The following ASPH variants were observed in gnomAD, a reference collection of about 807,000 sequenced individuals.
ASPH encodes the protein aspartate beta-hydroxylase, also known as aspartyl/asparaginyl beta-hydroxylase.
A neutral mutation model predicts 118.4 loss-of-function variants in ASPH; 100 were observed. That is an observed-to-expected ratio of 0.84 (90% CI 0.72 to 1.00). The LOEUF is 1.00. Among genes scored for constraint, ASPH ranks in the 50% least tolerant of loss-of-function variants. The pLI is 0.00. For synonymous variants in ASPH, 315 were observed against 325.6 expected (o/e 0.97, Z 0.35); for missense variants, 920 against 919.5 (o/e 1.00, Z -0.01).
At chr8:61,689,833 G>A in intron 1 of ASPH, 1 of 1,410,092 alleles carries the variant, frequency 7.1e-7, no homozygotes, top group South Asian at 1.7e-5. Flanking sequence ...GCACTGTAAG[G>A]GCCTCTAGAA....
At chr8:61,615,487 G>A (rs564128977) in intron 14 of ASPH, among the ~76,000 whole-genome samples, 1 of 152,134 alleles carries the variant, frequency 6.6e-6, no homozygotes, top group South Asian at 2.1e-4. Flanking sequence ...CAAGTACAAT[G>A]AGAGCTGCAA....
chr8:61,685,157 ATTTC>A (rs1283867713), intron 1 of ASPH, among the ~76,000 whole-genome samples: 2 of 151,966 alleles, frequency 1.3e-5, no homozygotes, highest in African/African-American at 4.8e-5. Context: ...TACAGAGGGC[ATTTC>A]TGGATGTTTA....
At chr8:61,509,036 C>T (rs1233276201) in intron 24 of ASPH, among the ~76,000 whole-genome samples, 1 of 152,174 alleles carries the variant, frequency 6.6e-6, no homozygotes, top group African/African-American at 2.4e-5. Flanking sequence ...TTCTAACACA[C>T]ACAAACAACT....
chr8:61,509,337 T>C (rs916803940), intron 24 of ASPH, among the ~76,000 whole-genome samples: 3 of 152,344 alleles, frequency 2.0e-5, no homozygotes, highest in South Asian at 2.1e-4. Context: ...CCCATTTCTA[T>C]GGTTATTTCT....
chr8:61,579,432 G>A (rs1417408715), intron 15 of ASPH: 37 of 1,611,608 alleles, frequency 2.3e-5, no homozygotes, highest in Non-Finnish European at 3.0e-5. Flanking sequence ...GCTGAAGTCT[G>A]GGATGCAGAA....
At chr8:61,531,555 T>C (rs1337344218) in intron 21 of ASPH, among the ~76,000 whole-genome samples, 1 of 152,054 alleles carries the variant, frequency 6.6e-6, no homozygotes, top group African/African-American at 2.4e-5. Context: ...TCTAGTGTGA[T>C]ACTATTTTTA....
At chr8:61,663,170 T>A (rs1269190984) in intron 3 of ASPH, 1 of 985,314 alleles carries the variant, frequency 1.0e-6, no homozygotes, top group Non-Finnish European at 1.2e-6. Context: ...GGGGACATGT[T>A]CTGCTTCTTC....
At chr8:61,714,181 G>C in intron 1 of ASPH, 88 bp downstream of exon 1, 2 of 1,343,964 alleles carry the variant, frequency 1.5e-6, no homozygotes, top group Non-Finnish European at 1.9e-6. Context: ...GGTGGGACCT[G>C]GGGAGATGCA....
intron 14 of ASPH, among the ~76,000 whole-genome samples, chr8:61,591,497 T>C (rs1304193587): frequency 6.6e-6 from 1 of 151,936 alleles, no homozygotes; most frequent in East Asian, 1.9e-4. Flanking sequence ...GGTTTTTCAG[T>C]ATATTGAGCA....
intron 21 of ASPH, among the ~76,000 whole-genome samples, chr8:61,535,409 T>C (rs2129760630): frequency 6.6e-6 from 1 of 152,314 alleles, no homozygotes; most frequent in East Asian, 1.9e-4. Flanking sequence ...TAGGGTTCAG[T>C]GTAACATAAG....
At chr8:61,617,442 C>T (rs901435052) in intron 14 of ASPH, among the ~76,000 whole-genome samples, 14 of 152,128 alleles carry the variant, frequency 9.2e-5, no homozygotes, top group Admixed American at 2.0e-4. Flanking sequence ...TAGCAGGTAT[C>T]GCTATCTTAT....
At chr8:61,707,765 T>A (rs1305523775) in intron 1 of ASPH, among the ~76,000 whole-genome samples, 6 of 152,162 alleles carry the variant, frequency 3.9e-5, no homozygotes, top group Non-Finnish European at 7.3e-5. Flanking sequence ...AACTGGAGTT[T>A]GGAGGAATTT....
intron 14 of ASPH, among the ~76,000 whole-genome samples, chr8:61,611,297 C>A (rs978019665): frequency 6.6e-6 from 1 of 152,212 alleles, no homozygotes; most frequent in Non-Finnish European, 1.5e-5. Flanking sequence ...AATGCAGGAG[C>A]TCGTTTCCTC....
intron 14 of ASPH, among the ~76,000 whole-genome samples, chr8:61,603,652 C>T (rs1844763853): frequency 6.6e-6 from 1 of 152,184 alleles, no homozygotes; most frequent in Admixed American, 6.5e-5. Context: ...TATTGAGTGC[C>T]TCACAGGTAT....
chr8:61,677,106 C>T (rs1825784472), intron 3 of ASPH, among the ~76,000 whole-genome samples: 1 of 152,112 alleles, frequency 6.6e-6, no homozygotes. Flanking sequence ...CTTAGCTGGT[C>T]ACTTGCAATA....
intron 15 of ASPH, chr8:61,583,261 T>C (rs1838159060): frequency 6.6e-6 from 1 of 151,868 alleles, no homozygotes; most frequent in South Asian, 2.1e-4. Flanking sequence ...TTATTATTAT[T>C]ATTATTATTA....
At chr8:61,586,070 A>T (rs901405269) in intron 14 of ASPH, among the ~76,000 whole-genome samples, 3 of 152,122 alleles carry the variant, frequency 2.0e-5, no homozygotes, top group Non-Finnish European at 4.4e-5. Context: ...CTTTTGCAAC[A>T]TTTGACACAG....
At chr8:61,710,312 T>C (rs757579592) in intron 1 of ASPH, among the ~76,000 whole-genome samples, 56 of 152,218 alleles carry the variant, frequency 3.7e-4, no homozygotes, top group Non-Finnish European at 6.8e-4. Flanking sequence ...AGGGTTTTTC[T>C]ATTGGAACCA....
At chr8:61,659,957 T>A (rs1006849149) in intron 3 of ASPH, 2 of 152,008 alleles carry the variant, frequency 1.3e-5, no homozygotes, top group Admixed American at 6.6e-5. Flanking sequence ...GAATGAGATC[T>A]CTCTCTTCTC....
Sources: gnomAD v4.1 joint callset for allele counts (sites outside exome capture counted in the v4.1 genomes callset) on GRCh38, gnomAD v4.1.1 for gene constraint, MANE v1.5 for transcripts, NCBI Gene and HGNC (gene_info 2026-07-23, HGNC 2026-07-21) for gene names.